Variants in MYO15B observed in about 807,000 individuals in gnomAD.
The protein encoded by MYO15B is myosin XVB.
Under a neutral mutation model 119.3 loss-of-function variants are expected in MYO15B, and 207 were observed. The ratio of observed to expected loss-of-function variants is 1.73; its 90% CI spans 1.55 to 1.95. The LOEUF is 1.95. Ranked by LOEUF, MYO15B falls within the 30% of genes most tolerant of loss-of-function variation. MYO15B has a pLI of 0.00. For missense variants in MYO15B, 2,264 were observed against 1,203.1 expected (o/e 1.88, Z -13.04); for synonymous variants, 966 against 498.9 (o/e 1.94, Z -12.48).
chr17:75,607,227 C>T (rs992299575), intron 21 of MYO15B: 11 of 351,392 alleles, frequency 3.1e-5, no homozygotes, highest in Non-Finnish European at 5.1e-5. Flanking sequence ...GTAACTATTG[C>T]CCCCAAGACC....
chr17:75,625,310 T>C (rs2058973970), intron 60 of MYO15B, 72 bp downstream of exon 60: 1 of 648,658 alleles, frequency 1.5e-6, no homozygotes, highest in Non-Finnish European at 2.8e-6. Flanking sequence ...CTGGTACCCT[T>C]CCTGGCCCTA....
Position 75,602,254 on chromosome 17 carries a change from G to A in MYO15B, c.3652-263G>A, listed in dbSNP as rs1364139398. On this transcript the variant is annotated intron_variant, in intron 15 of 63. Transcript: ENST00000645453. ...ATATGGAGAGACAGACAACATTCTT[G>A]TCTAGTCAACCTATTGACTAGCATA... The A allele has an allele frequency of 1.6e-5, 9 of 569,768 alleles. No homozygotes were observed. In the East Asian group the frequency reaches 2.8e-4, roughly 17 times the overall value. The allele number at this position is 569,768 out of a possible 1,614,324, so 35.3% of individuals were successfully genotyped here. A position where few individuals can be genotyped will look rare whatever the true frequency, so the allele number is the denominator to read the frequency against.
chr17:75,626,225 A>G (rs2059049986), exon 63 of MYO15B: 1 of 702,862 alleles, frequency 1.4e-6, no homozygotes, highest in Non-Finnish European at 2.6e-6. Context: ...TTGAGCTGCC[A>G]CAGGTGAGTG....
chr17:75,590,219 A>T (rs894113899), exon 1 of MYO15B: 1 of 399,094 alleles, frequency 2.5e-6, no homozygotes, highest in Non-Finnish European at 4.4e-6. Flanking sequence ...GGCCTGGAAG[A>T]CATGGAGGAC....
At chr17:75,615,366 C>G in intron 34 of MYO15B, 28 bp downstream of exon 34, 1 of 699,790 alleles carries the variant, frequency 1.4e-6, no homozygotes, top group South Asian at 1.5e-5. Context: ...GCACCAGAGT[C>G]CCTTCTCAGG....
rs1459269122 is a variant in MYO15B at position 75,613,797 on chromosome 17, G to C, written c.5219+20G>C. On this transcript the variant is annotated intron_variant, in intron 29 of 63. Coordinates refer to ENST00000645453, the Ensembl canonical transcript of MYO15B. ...GAGCAGGTATGGGGACCGGGGATGG[G>C]GGACAGTGTGGCCAAAGTGACCCTT... The C allele has an allele frequency of 1.4e-6, 1 of 695,564 alleles. No individual in the cohort carries two copies. The highest frequency in any genetic ancestry group is 2.0e-5 in the Admixed American group (1 of 49,108). 43.1% of individuals were successfully genotyped at this position (695,564 alleles called of 1,614,324 possible).
At chr17:75,613,716 T>G in exon 29 of MYO15B, 1 of 702,268 alleles carries the variant, frequency 1.4e-6, no homozygotes, top group Non-Finnish European at 2.6e-6. Context: ...GGAGTGCTAC[T>G]CGGCCGAGGT....
chr17:75,599,157 C>G (rs1432061038), intron 14 of MYO15B, among the ~76,000 whole-genome samples: 2 of 152,206 alleles, frequency 1.3e-5, no homozygotes, highest in Admixed American at 1.3e-4. Flanking sequence ...CGTTGCCTCT[C>G]AAAGTGCTGG....
chr17:75,616,353 A>C, exon 38 of MYO15B: 1 of 611,078 alleles, frequency 1.6e-6, no homozygotes. Context: ...GCCCCCGGCC[A>C]AGGTCCACAT....
Position 75,590,903 on chromosome 17 carries a change from C to T in MYO15B, c.2251-4C>T. 2.1e-6 allele frequency: 1 copy of T among 465,552 alleles called. No individual in the cohort carries two copies. The highest frequency in any genetic ancestry group is 3.9e-6 in the Non-Finnish European group (1 of 253,394). 28.8% of individuals were successfully genotyped at this position (465,552 alleles called of 1,614,324 possible). ...CTCTGATGAGAGCTTGTTTTCCTCC[C>T]CAGACCTTTGGGGGGCCTGTCTTGC... On this transcript the variant is annotated splice_region_variant and splice_polypyrimidine_tract_variant and intron_variant, in intron 2 of 63. Coordinates refer to ENST00000645453, the Ensembl canonical transcript of MYO15B.
intron 41 of MYO15B, 95 bp downstream of exon 41, chr17:75,617,399 C>T (rs912120164): frequency 1.6e-5 from 9 of 567,330 alleles, no homozygotes; most frequent in East Asian, 3.0e-5. Context: ...GGCATTTCTG[C>T]GTGGCTGAGG....
chr17:75,590,103 C>G (rs820241), exon 1 of MYO15B: 270,801 of 398,828 alleles, frequency 0.68, 99,669 homozygotes, highest in East Asian at 0.87. Context: ...TGTGGGAACC[C>G]GAGGATGAGG....
At chr17:75,611,111 T>C (rs1360575711) in intron 23 of MYO15B, among the ~76,000 whole-genome samples, 152 bp downstream of exon 23, 1 of 152,058 alleles carries the variant, frequency 6.6e-6, no homozygotes, top group African/African-American at 2.4e-5. Flanking sequence ...TGCTCTTGGC[T>C]CTTGGTTTCC....
intron 32 of MYO15B, 30 bp downstream of exon 32, chr17:75,614,879 T>C (rs1275185584): frequency 2.8e-6 from 2 of 702,714 alleles, no homozygotes; most frequent in Non-Finnish European, 5.2e-6. Context: ...CAAATGCCCC[T>C]GCCCCAACCC....
intron 3 of MYO15B, 77 bp from the exon 4 acceptor site, chr17:75,591,095 C>CG (rs2147699560): frequency 1.4e-6 from 1 of 697,342 alleles, no homozygotes; most frequent in Non-Finnish European, 2.6e-6. Context: ...ACTGAGGTCC[C>CG]GGGGCCTGTG....
chr17:75,626,043 C>T (rs1309518034), intron 62 of MYO15B, 45 bp from the exon 63 acceptor site: 1 of 697,818 alleles, frequency 1.4e-6, no homozygotes, highest in East Asian at 2.7e-5. Context: ...CCCACAATGA[C>T]CCCTCCCCGG....
intron 19 of MYO15B, among the ~76,000 whole-genome samples, chr17:75,604,018 A>G (rs1369180866): frequency 1.3e-5 from 2 of 152,272 alleles, no homozygotes; most frequent in African/African-American, 2.4e-5. Context: ...GCCTCACCCC[A>G]GGGCTCTGTG....
At chr17:75,607,115 T>A (rs1302554425) in intron 21 of MYO15B, 4 of 394,742 alleles carry the variant, frequency 1.0e-5, no homozygotes, top group Non-Finnish European at 1.8e-5. Flanking sequence ...GGGCTGAGAA[T>A]GAAGTGAAGA....
chr17:75,607,144 G>C (rs2057707786), intron 21 of MYO15B: 1 of 392,048 alleles, frequency 2.6e-6, no homozygotes, highest in Non-Finnish European at 4.5e-6. Flanking sequence ...AACATCGGGG[G>C]AGCCAGGCAT....
Sources: gnomAD v4.1 joint callset for allele counts (sites outside exome capture counted in the v4.1 genomes callset) on GRCh38, gnomAD v4.1.1 for gene constraint, MANE v1.5 for transcripts, NCBI Gene and HGNC (gene_info 2026-07-23, HGNC 2026-07-21) for gene names.